Variants in POP1 observed in about 807,000 individuals in gnomAD.
POP1 encodes the protein ribonucleases P/MRP protein subunit POP1.
Under a neutral mutation model 102.2 loss-of-function variants are expected in POP1, and 75 were observed. The observed-to-expected ratio is 0.73, with a 90% CI of 0.61 to 0.89. The LOEUF (loss-of-function observed/expected upper bound fraction) is 0.89, where lower values mean the gene tolerates loss of function less well. Ranked by LOEUF, POP1 falls within the 40% of genes least tolerant of loss-of-function variation. The pLI is 0.00. For synonymous variants in POP1, 436 were observed against 464.1 expected (o/e 0.94, Z 0.78); for missense variants, 1,116 against 1,267.4 (o/e 0.88, Z 1.81).
chr8:98,127,571 T>C (rs1316194324), intron 2 of POP1, 24 bp from the exon 3 acceptor site: 3 of 1,613,666 alleles, frequency 1.9e-6, no homozygotes, highest in Non-Finnish European at 2.5e-6. Context: ...AAAGGTGACA[T>C]GTTTCTTTTT....
rs1816665825 is a variant in POP1 at position 98,140,169 on chromosome 8, C to T, written c.1454C>T (p.Ala485Val). Residue 485 changes from alanine to valine, a missense_variant, in exon 10 of 16, where the codon GCC becomes GTC. Physicochemically the swap from Ala to Val is moderately conservative, Grantham distance 64. Transcript: ENST00000401707. ...GTTTCCCTTCATTGCAGACAAGAAG[C>T]CATTTTCGAGTTGTTGGGAGGTATA... is the stretch of plus-strand genomic sequence containing the variant. ...DSVSLHCRQEAIFELLGGITS... is the reference protein window; with the variant it reads ...DSVSLHCRQEVIFELLGGITS... 6.2e-7 allele frequency: 1 copy of T among 1,613,828 alleles called. No individual in the cohort carries two copies. Among genetic ancestry groups the T allele is most frequent in the African/African-American group, 1.3e-5 (1 of 74,892 alleles).
chr8:98,145,183 C>T (rs1816810863), intron 11 of POP1, among the ~76,000 whole-genome samples: 1 of 152,250 alleles, frequency 6.6e-6, no homozygotes, highest in Non-Finnish European at 1.5e-5. Context: ...GCCGTTGCAC[C>T]TGGCCTGTTG....
At chr8:98,135,572 C>T (rs1249597152) in intron 7 of POP1, among the ~76,000 whole-genome samples, 1 of 151,998 alleles carries the variant, frequency 6.6e-6, no homozygotes, top group Non-Finnish European at 1.5e-5. Context: ...TTTGACTAAC[C>T]CTACCCCTAG....
chr8:98,127,067 G>A (rs555490427), intron 2 of POP1, among the ~76,000 whole-genome samples: 1 of 152,208 alleles, frequency 6.6e-6, no homozygotes, highest in Non-Finnish European at 1.5e-5. Flanking sequence ...CTGCCTTCTG[G>A]TTCATATACA....
chr8:98,135,942 C>T (rs1339973255), intron 7 of POP1, among the ~76,000 whole-genome samples: 2 of 152,130 alleles, frequency 1.3e-5, no homozygotes, highest in Non-Finnish European at 2.9e-5. Context: ...TGGGCTGAAG[C>T]CATCCTCCTG....
chr8:98,138,515 C>A (rs1047614476), intron 9 of POP1, among the ~76,000 whole-genome samples: 2 of 152,158 alleles, frequency 1.3e-5, no homozygotes, highest in African/African-American at 4.8e-5. Flanking sequence ...TTTCCTGATC[C>A]CCCAAGTTAA....
chr8:98,128,103 A>G (rs1405353251), intron 3 of POP1, among the ~76,000 whole-genome samples: 4 of 152,182 alleles, frequency 2.6e-5, no homozygotes, highest in Non-Finnish European at 5.9e-5. Context: ...GTACACACAA[A>G]TGGCAACCAA....
chr8:98,119,721 A>G (rs188755129), intron 1 of POP1, among the ~76,000 whole-genome samples: 51 of 152,174 alleles, frequency 3.4e-4, no homozygotes, highest in Non-Finnish European at 5.1e-4. Context: ...TGGGACCACA[A>G]GCTCATAACT....
chr8:98,137,612 G>T (rs1316728902), intron 9 of POP1, among the ~76,000 whole-genome samples: 2 of 152,132 alleles, frequency 1.3e-5, no homozygotes, highest in African/African-American at 2.4e-5. Context: ...AGTTTTAGGG[G>T]TCTAGAATCT....
intron 12 of POP1, among the ~76,000 whole-genome samples, 157 bp from the exon 13 acceptor site, chr8:98,148,658 C>A (rs1809427921): frequency 1.3e-5 from 2 of 152,156 alleles, no homozygotes; most frequent in South Asian, 4.1e-4. Flanking sequence ...GGAGGAATAC[C>A]TTATACTTAA....
intron 14 of POP1, among the ~76,000 whole-genome samples, chr8:98,151,527 G>A (rs9969553): frequency 0.13 from 19,334 of 152,100 alleles, 1,332 homozygotes; most frequent in Middle Eastern, 0.26. Flanking sequence ...GTAGGCTCCC[G>A]GAAGCACAGA....
chr8:98,153,774 G>A (rs1403579108), intron 14 of POP1, among the ~76,000 whole-genome samples: 1 of 151,974 alleles, frequency 6.6e-6, no homozygotes, highest in Non-Finnish European at 1.5e-5. Context: ...TTGACCTTGT[G>A]ATCTGCCTGT....
chr8:98,128,287 A>C, intron 3 of POP1, 78 bp from the exon 4 acceptor site: 3 of 1,417,274 alleles, frequency 2.1e-6, no homozygotes, highest in Non-Finnish European at 3.0e-6. Context: ...AATTCAGTTA[A>C]GTTTCCCCAG....
intron 1 of POP1, 72 bp from the exon 2 acceptor site, chr8:98,123,264 C>T (rs1816086126): frequency 2.0e-6 from 3 of 1,511,472 alleles, no homozygotes; most frequent in East Asian, 2.4e-5. Flanking sequence ...TGAATATTTA[C>T]TCATTAAATT....
At chr8:98,127,786 G>C (rs1376564084) in intron 3 of POP1, 24 bp downstream of exon 3, 8 of 1,612,032 alleles carry the variant, frequency 5.0e-6, no homozygotes, top group Non-Finnish European at 6.8e-6. Flanking sequence ...AAGAGGTGCA[G>C]TTTGCTTGTA....
chr8:98,133,986 A>G lies in POP1; in HGVS notation c.773A>G (p.Lys258Arg), dbSNP rs1308548374. Residue 258 changes from lysine to arginine, a missense_variant, in exon 6 of 16, where the codon AAA (lysine) becomes AGA (arginine). Coordinates refer to ENST00000401707, the MANE Select transcript of POP1 (RefSeq NM_001145860.2). ...TACTGTTGTTTGGAGTTGAAAGGCA[A>G]AGAGGAAGAAATACTAAAGGCGCTT... ...SYYCCLELKG[K>R]EEEILKALSG... 1 of 1,613,730 alleles carries G rather than the reference A, an allele frequency of 6.2e-7. No homozygotes were observed. The highest frequency in any genetic ancestry group is 1.7e-5 in the Admixed American group (1 of 60,018).
At chr8:98,141,882 T>A (rs1036952020) in intron 11 of POP1, among the ~76,000 whole-genome samples, 3 of 151,864 alleles carry the variant, frequency 2.0e-5, no homozygotes, top group Non-Finnish European at 2.9e-5. Flanking sequence ...ATTTTTTTTT[T>A]AATGTAGTTA....
rs763492180 is a variant in POP1 at position 98,130,071 on chromosome 8, C to T, written c.580C>T (p.Arg194Cys). ...CHMNRTLEFN[R>C]RQKKNIWLET... ...CATGAACCGGACGCTAGAATTTAAC[C>T]GTAGACAAAAGAAGAACATTTGGTT... The change falls in exon 5 of 16, where the codon CGT (arginine) becomes TGT (cysteine). Residue 194 changes from arginine to cysteine, a missense_variant. Physicochemically the swap from Arg to Cys is radical, Grantham distance 180 (BLOSUM62 -3). Transcript: ENST00000401707. The T allele has an allele frequency of 1.4e-4, 226 of 1,613,928 alleles. No individual in the cohort carries two copies. The highest frequency in any genetic ancestry group is 2.2e-4 in the Admixed American group (13 of 59,960).
At chr8:98,135,874 T>G (rs1816522220) in intron 7 of POP1, among the ~76,000 whole-genome samples, 1 of 151,892 alleles carries the variant, frequency 6.6e-6, no homozygotes, top group Non-Finnish European at 1.5e-5. Context: ...TAATTATTTT[T>G]TTATTTTGTG....
Sources: allele counts gnomAD v4.1 joint callset (sites outside exome capture counted in the v4.1 genomes callset), GRCh38; gene constraint gnomAD v4.1.1; transcripts MANE v1.5; gene names NCBI Gene and HGNC (gene_info 2026-07-23, HGNC 2026-07-21).